The following UGP2 variants were observed in gnomAD, a reference collection of about 807,000 sequenced individuals.
The protein encoded by UGP2 is UTP--glucose-1-phosphate uridylyltransferase.
In UGP2, 40 loss-of-function variants were observed where a neutral mutation model predicts 49.0. The observed-to-expected ratio is 0.82, with a 90% CI of 0.63 to 1.06. UGP2 has a LOEUF of 1.06. Ranked by LOEUF, UGP2 falls within the 50% of genes least tolerant of loss-of-function variation. The pLI, the probability that UGP2 is intolerant of heterozygous loss-of-function variation, is 0.00. For missense variants in UGP2, 460 were observed against 603.5 expected (o/e 0.76, Z 2.49); for synonymous variants, 225 against 213.0 (o/e 1.06, Z -0.49).
At chr2:63,845,364 C>T (rs1296762216) in intron 1 of UGP2, among the ~76,000 whole-genome samples, 1 of 152,134 alleles carries the variant, frequency 6.6e-6, no homozygotes, top group African/African-American at 2.4e-5. Flanking sequence ...GTCAATTTTA[C>T]TTTTCTTTCC....
At chr2:63,890,221 C>CTT in intron 9 of UGP2, 36 bp downstream of exon 9, 2 of 1,475,088 alleles carry the variant, frequency 1.4e-6, no homozygotes, top group Non-Finnish European at 1.9e-6. Flanking sequence ...TTTCTTACAG[C>CTT]TTACAATATA....
intron 1 of UGP2, among the ~76,000 whole-genome samples, chr2:63,853,947 G>A (rs939080276): frequency 6.6e-6 from 1 of 152,152 alleles, no homozygotes; most frequent in African/African-American, 2.4e-5. Flanking sequence ...TTATGTGGTG[G>A]GGAATTATCT....
Position 63,857,812 on chromosome 2 carries a change from G to T in UGP2, c.148-17G>T. 3 of 1,603,926 alleles carry T rather than the reference G, an allele frequency of 1.9e-6. No individual in the cohort carries two copies. The highest frequency in any genetic ancestry group is 2.2e-5 in the South Asian group (2 of 89,772). On this transcript the variant is annotated splice_polypyrimidine_tract_variant and intron_variant, in intron 2 of 9. Coordinates refer to ENST00000337130, the MANE Select transcript of UGP2 (RefSeq NM_006759.4). ...TAAGCATTCTGCTGGTTGTAACAAT[G>T]ACTTCTATTTTCACAGCACACCAAA... is the stretch of plus-strand genomic sequence containing the variant.
intron 3 of UGP2, among the ~76,000 whole-genome samples, chr2:63,873,927 C>G (rs558931677): frequency 1.3e-5 from 2 of 152,338 alleles, no homozygotes; most frequent in Non-Finnish European, 2.9e-5. Context: ...CCACCCTTAT[C>G]TCCTCATTGT....
chr2:63,857,602 C>G (rs566201420), intron 2 of UGP2: 1 of 560,614 alleles, frequency 1.8e-6, no homozygotes, highest in Non-Finnish European at 3.4e-6. Context: ...TGAGCTCAAA[C>G]GATCAGCTGG....
chr2:63,864,935 C>T (rs950389963), intron 3 of UGP2, among the ~76,000 whole-genome samples: 1 of 152,172 alleles, frequency 6.6e-6, no homozygotes, highest in Non-Finnish European at 1.5e-5. Flanking sequence ...GAGCTCTATT[C>T]TAGTGGGAGA....
chr2:63,891,164 C>G lies in UGP2; in HGVS notation c.1464C>G (p.Ile488Met). The G allele has an allele frequency of 6.2e-7, 1 of 1,613,480 alleles. No individual in the cohort carries two copies. Among genetic ancestry groups the G allele is most frequent in the Non-Finnish European group, 8.5e-7 (1 of 1,179,722 alleles). The part of the protein sequence containing the change: ...IIANHGDRID[I>M]PPGAVLENKI... ...CAAATCATGGTGACAGAATTGATAT[C>G]CCACCTGGAGCAGTATTAGAGAACA... The change falls in exon 10 of 10, where the codon ATC becomes ATG. Residue 488 changes from isoleucine (I) to methionine (M), a missense_variant. Ile to Met is a conservative substitution (Grantham distance 10). Coordinates refer to ENST00000337130, the MANE Select transcript of UGP2 (RefSeq NM_006759.4).
chr2:63,891,024 T>TA (rs368306965), intron 9 of UGP2, 96 bp from the exon 10 acceptor site: 163,829 of 818,108 alleles, frequency 0.2, 3,492 homozygotes, highest in Middle Eastern at 0.24. Flanking sequence ...TACTTCACTG[T>TA]AAAAAAAAAA....
At chr2:63,882,830 T>G (rs998601961) in intron 4 of UGP2, 179 bp downstream of exon 4, 2 of 516,322 alleles carry the variant, frequency 3.9e-6, no homozygotes, top group African/African-American at 3.9e-5. Flanking sequence ...CTTAAGGTTA[T>G]GTAAAGGCTT....
intron 3 of UGP2, among the ~76,000 whole-genome samples, chr2:63,872,698 G>A (rs966306910): frequency 9.9e-5 from 15 of 151,710 alleles, no homozygotes; most frequent in Admixed American, 7.2e-4. Context: ...ATCGGGTCAC[G>A]GAGGAAACAG....
intron 1 of UGP2, among the ~76,000 whole-genome samples, chr2:63,851,608 C>T (rs1490949830): frequency 9.2e-5 from 14 of 152,270 alleles, no homozygotes; most frequent in African/African-American, 3.1e-4. Context: ...CTGGGCCATT[C>T]TTATTTTTCT....
intron 1 of UGP2, among the ~76,000 whole-genome samples, chr2:63,852,422 G>A (rs1444045700): frequency 6.6e-6 from 1 of 152,200 alleles, no homozygotes; most frequent in African/African-American, 2.4e-5. Flanking sequence ...TGTCCCAAAT[G>A]GAATAGGAAA....
chr2:63,847,475 G>A (rs1469974057), intron 1 of UGP2, among the ~76,000 whole-genome samples: 3 of 152,146 alleles, frequency 2.0e-5, no homozygotes, highest in South Asian at 2.1e-4. Flanking sequence ...TTTCATGCTC[G>A]TCCGTGTGAA....
At chr2:63,874,075 C>T (rs1057366048) in intron 3 of UGP2, among the ~76,000 whole-genome samples, 1 of 152,144 alleles carries the variant, frequency 6.6e-6, no homozygotes, top group Non-Finnish European at 1.5e-5. Flanking sequence ...ATCATATTGA[C>T]CAGAACTTTG....
In UGP2 at chr2:63,884,093, G is replaced by T; in HGVS notation, c.575G>T (p.Arg192Met). Residue 192 changes from arginine (R) to methionine (M), a missense_variant and splice_region_variant, in exon 5 of 10, where the codon AGG becomes ATG. Around this residue, in one of 2 missense-constraint regions of UGP2, gnomAD observed 317 missense variants for 473.0 expected, o/e 0.67. Coordinates refer to ENST00000337130, the MANE Select transcript of UGP2 (RefSeq NM_006759.4). ...RVKIYTFNQSRYPRINKESLL... is the reference protein window; with the variant it reads ...RVKIYTFNQSMYPRINKESLL... ...AAAATCTACACTTTCAATCAAAGCA[G>T]GTACAATGAGTAAAAAATTAACTCT... is the stretch of plus-strand genomic sequence containing the variant. The T allele has an allele frequency of 6.2e-7, 1 of 1,611,620 alleles. No homozygotes were observed. Among genetic ancestry groups the T allele is most frequent in the Non-Finnish European group, 8.5e-7 (1 of 1,179,514 alleles).
At chr2:63,860,249 A>G (rs188928085) in intron 3 of UGP2, among the ~76,000 whole-genome samples, 85 of 152,304 alleles carry the variant, frequency 5.6e-4, no homozygotes, top group African/African-American at 2.0e-3. Flanking sequence ...GTGTGACATA[A>G]ACATTGTCAT....
chr2:63,880,391 C>G (rs1015793780), intron 3 of UGP2, among the ~76,000 whole-genome samples: 1 of 152,078 alleles, frequency 6.6e-6, no homozygotes, highest in African/African-American at 2.4e-5. Flanking sequence ...CCAGACTAGT[C>G]TCAAACCCCT....
intron 1 of UGP2, among the ~76,000 whole-genome samples, chr2:63,852,516 G>T (rs985715034): frequency 6.6e-6 from 1 of 152,238 alleles, no homozygotes; most frequent in Non-Finnish European, 1.5e-5. Context: ...TTTGAGACAT[G>T]CCTGGATAAG....
At chr2:63,879,181 T>G (rs1049337646) in intron 3 of UGP2, among the ~76,000 whole-genome samples, 2 of 152,190 alleles carry the variant, frequency 1.3e-5, no homozygotes, top group Non-Finnish European at 2.9e-5. Context: ...TAGAGTTTTC[T>G]GCCTCACGTT....
Sources: gnomAD v4.1 joint callset for allele counts (sites outside exome capture counted in the v4.1 genomes callset) on GRCh38, gnomAD v4.1.1 for gene constraint, gnomAD v4.1.1 regional missense constraint, MANE v1.5 for transcripts, NCBI Gene and HGNC (gene_info 2026-07-23, HGNC 2026-07-21) for gene names.